The following NF2 variants were observed in gnomAD, a reference collection of about 807,000 sequenced individuals.
NF2 encodes merlin.
A neutral mutation model predicts 83.7 loss-of-function variants in NF2; 8 were observed. The observed-to-expected ratio is 0.10, with a 90% CI of 0.06 to 0.17. NF2 has a LOEUF of 0.17. NF2 is among the 10% of genes least tolerant of loss of function. The pLI is 1.00. For missense variants in NF2, 533 were observed against 744.4 expected (o/e 0.72, Z 3.31); for synonymous variants, 266 against 269.6 (o/e 0.99, Z 0.13).
chr22:29,634,125 A>G lies in NF2; in HGVS notation c.115-2626A>G, dbSNP rs2065587039. Among the ~76,000 whole-genome samples, 10 of 152,332 alleles carry G rather than the reference A, an allele frequency of 6.6e-5. No homozygotes were observed. The South Asian group carries it at 2.1e-3, about 32-fold the overall frequency. On this transcript the variant is annotated intron_variant, in intron 1 of 15. Coordinates refer to ENST00000338641, the MANE Select transcript of NF2 (RefSeq NM_000268.4). ...GTTTGCCTATGTTAGATCACCGTGA[A>G]AAAGGCCAGTGTATGCTTTGGCAGC...
At position 29,697,210 on chromosome 22, in the gene NF2, G is replaced by A. The variant is rs114416141; in HGVS notation, c.*2408G>A. 1,522 of 203,658 alleles carry A rather than the reference G, an allele frequency of 7.5e-3. 21 individuals are homozygous for A. Among genetic ancestry groups the A allele is most frequent in the African/African-American group, 0.032 (1,416 of 43,758 alleles). The allele number at this position is 203,658 out of a possible 1,614,324, so 12.6% of individuals were successfully genotyped here. A position where few individuals can be genotyped will look rare whatever the true frequency, so the allele number is the denominator to read the frequency against. On this transcript the variant is annotated 3_prime_UTR_variant, in exon 16 of 16. Coordinates refer to ENST00000338641, the MANE Select transcript of NF2 (RefSeq NM_000268.4). ...GTTCTTTAACAATGGCTGCAGGTGG[G>A]AGCATATGGTGGTTTATAAAAACGC...
chr22:29,677,249 A>G (rs1233629160), intron 13 of NF2, among the ~76,000 whole-genome samples: 1 of 152,138 alleles, frequency 6.6e-6, no homozygotes, highest in Non-Finnish European at 1.5e-5. Flanking sequence ...CAGCAAAGAA[A>G]AGGGTTGCCG....
At chr22:29,666,188 TC>T (rs1301638388) in intron 9 of NF2, among the ~76,000 whole-genome samples, 1 of 152,056 alleles carries the variant, frequency 6.6e-6, no homozygotes, top group African/African-American at 2.4e-5. Context: ...GGGGTCTCAC[TC>T]TGTTGCCCAG....
At chr22:29,669,682 C>G (rs2066724486) in intron 10 of NF2, among the ~76,000 whole-genome samples, 1 of 152,204 alleles carries the variant, frequency 6.6e-6, no homozygotes, top group Non-Finnish European at 1.5e-5. Context: ...AGCAGGAACA[C>G]TGCAGATCGG....
At chr22:29,690,736 G>A (rs2067381987) in intron 15 of NF2, among the ~76,000 whole-genome samples, 1 of 152,236 alleles carries the variant, frequency 6.6e-6, no homozygotes, top group Non-Finnish European at 1.5e-5. Context: ...CTAATCAGAT[G>A]TGAAGAGACA....
At chr22:29,686,179 C>T (rs1369103867) in intron 15 of NF2, among the ~76,000 whole-genome samples, 2 of 152,194 alleles carry the variant, frequency 1.3e-5, no homozygotes, top group African/African-American at 4.8e-5. Flanking sequence ...ACAGTCAGAG[C>T]TCAGTAAGGG....
chr22:29,614,580 T>TA (rs397868024), intron 1 of NF2, among the ~76,000 whole-genome samples: 796 of 71,438 alleles, frequency 0.011, 4 homozygotes, highest in African/African-American at 0.029. Flanking sequence ...AGACTCCATC[T>TA]AAAAAAAAAA....
intron 10 of NF2, among the ~76,000 whole-genome samples, chr22:29,671,508 G>A (rs1378217530): frequency 6.6e-6 from 1 of 152,068 alleles, no homozygotes; most frequent in East Asian, 1.9e-4. Context: ...CAGCCTGGGT[G>A]ACAGAGCAAA....
At position 29,606,531 on chromosome 22, in the gene NF2, A is replaced by G. The variant is rs546489710; in HGVS notation, c.114+2419A>G. ...AGGAGAGAAGCAGGCCCTAAAACAGATAGCTCCTAATCTCTTTCCAATGGC... is the reference window on the plus strand; with the variant it reads ...AGGAGAGAAGCAGGCCCTAAAACAGGTAGCTCCTAATCTCTTTCCAATGGC... On this transcript the variant is annotated intron_variant, in intron 1 of 15. Transcript: ENST00000338641. Among the ~76,000 whole-genome samples, 3 of 152,316 alleles carry G rather than the reference A, an allele frequency of 2.0e-5. No individual in the cohort carries two copies. The South Asian group carries it at 6.2e-4, about 32-fold the overall frequency.
chr22:29,610,445 C>G (rs1477578183), intron 1 of NF2, among the ~76,000 whole-genome samples: 2 of 152,138 alleles, frequency 1.3e-5, no homozygotes, highest in African/African-American at 4.8e-5. Context: ...GAGTTCAAGA[C>G]CAGCCTGTCT....
At chr22:29,670,799 G>T (rs1402818047) in intron 10 of NF2, among the ~76,000 whole-genome samples, 1 of 152,120 alleles carries the variant, frequency 6.6e-6, no homozygotes, top group Non-Finnish European at 1.5e-5. Context: ...GGCAAGGGAG[G>T]TAGTGGTGGC....
rs1479398644 is a variant in NF2, at chr22:29,695,129, A to G, written c.*327A>G. 4.2e-6 allele frequency: 2 copies of G among 481,422 alleles called. No homozygotes were observed. Among genetic ancestry groups the G allele is most frequent in the Non-Finnish European group, 3.8e-6 (1 of 261,700 alleles). The allele number at this position is 481,422 out of a possible 1,614,324, so 29.8% of individuals were successfully genotyped here. On this transcript the variant is annotated 3_prime_UTR_variant, in exon 16 of 16. Transcript: ENST00000338641. This position sits in a 1 kb window ranked among gnomAD's most constrained non-coding sequence, Gnocchi z 5.4. ...GTGTGTGTCTTGCACTCCAGAGCTGACCTCCACCGCCCAGCCTGGGAAGTC... is the reference window on the plus strand; with the variant it reads ...GTGTGTGTCTTGCACTCCAGAGCTGGCCTCCACCGCCCAGCCTGGGAAGTC...
chr22:29,673,795 C>T (rs1048528120), intron 12 of NF2, among the ~76,000 whole-genome samples: 4 of 152,200 alleles, frequency 2.6e-5, no homozygotes, highest in Admixed American at 1.3e-4. Flanking sequence ...ATCCACAGAC[C>T]GCTTTCAGCT....
intron 1 of NF2, 139 bp downstream of exon 1, chr22:29,604,251 G>A (rs1344414693): frequency 1.4e-6 from 1 of 705,196 alleles, no homozygotes; most frequent in Non-Finnish European, 2.5e-6. Flanking sequence ...TCATGTTAAA[G>A]ATGATTGCTG....
In NF2 at chr22:29,673,349, G is replaced by A; in HGVS notation, c.1203G>A (p.Lys401=). 1 of 1,605,886 alleles carries A rather than the reference G, an allele frequency of 6.2e-7. No individual in the cohort carries two copies. Among genetic ancestry groups the A allele is most frequent in the Non-Finnish European group, 8.5e-7 (1 of 1,176,924 alleles). The change falls in exon 12 of 16, where the codon AAG becomes AAA. Residue 401 remains lysine (K), a synonymous_variant. Transcript: ENST00000338641. The part of the protein sequence containing the change: ...TEEEAKLLAQ[K]AAEAEQEMQR... ...AGGAGGCAAAACTTCTGGCCCAGAA[G>A]GCCGCAGAGGCTGAGCAGGAAATGC...
In NF2 at chr22:29,668,429, G is replaced by A. The variant is rs1263123754; in HGVS notation, c.982G>A (p.Glu328Lys). 2 of 1,613,714 alleles carry A rather than the reference G, an allele frequency of 1.2e-6. No individual in the cohort carries two copies. Among genetic ancestry groups the A allele is most frequent in the East Asian group, 2.2e-5 (1 of 44,866 alleles). ...GCAGATGAAAGCCCAGGCCAGGGAGGAGAAGGCTAGAAAGCAGGTGAGCAC... is the reference window on the plus strand; with the variant it reads ...GCAGATGAAAGCCCAGGCCAGGGAGAAGAAGGCTAGAAAGCAGGTGAGCAC... Reference protein sequence around the residue: ...VQQMKAQAREEKARKQMERQR... With the variant: ...VQQMKAQAREKKARKQMERQR... Residue 328 changes from glutamate to lysine, a missense_variant, in exon 10 of 16, where the codon GAG becomes AAG. By Grantham distance (56) the Glu-to-Lys change is moderately conservative. This residue lies in a region of NF2 where 326 missense variants were observed against 475.1 expected (regional missense o/e 0.69). Transcript: ENST00000338641.
chr22:29,649,761 A>T (rs2066090901), intron 4 of NF2, among the ~76,000 whole-genome samples: 1 of 151,336 alleles, frequency 6.6e-6, no homozygotes, highest in South Asian at 2.1e-4. Context: ...AATAAAAATA[A>T]AAAAGGAGCC....
chr22:29,641,717 T>G (rs2065815774), intron 3 of NF2, among the ~76,000 whole-genome samples: 2 of 152,232 alleles, frequency 1.3e-5, no homozygotes, highest in African/African-American at 4.8e-5. Context: ...ATTTTATTGC[T>G]TCCTTTTCCC....
rs377537064 is a variant in NF2, at chr22:29,636,731, C to T, written c.115-20C>T. On this transcript the variant is annotated intron_variant, in intron 1 of 15. Coordinates refer to ENST00000338641, the MANE Select transcript of NF2 (RefSeq NM_000268.4). The surrounding 1 kb of genome is among the most constrained non-coding windows in gnomAD (Gnocchi z 4.4). The stretch of plus-strand genomic sequence containing the variant: ...TGATTTTTGCTCACAGTGTCCTTCC[C>T]CATTGGTTTGTTATTGCAGATGAAG... 2 of 1,614,072 alleles carry T rather than the reference C, an allele frequency of 1.2e-6. No individual in the cohort carries two copies. Among genetic ancestry groups the T allele is most frequent in the Non-Finnish European group, 1.7e-6 (2 of 1,180,002 alleles).
Sources: allele counts gnomAD v4.1 joint callset (sites outside exome capture counted in the v4.1 genomes callset), GRCh38; gene constraint gnomAD v4.1.1; regional missense constraint gnomAD v4.1.1; non-coding constraint Gnocchi (gnomAD v3.1); transcripts MANE v1.5; gene names NCBI Gene and HGNC (gene_info 2026-07-23, HGNC 2026-07-21).